KCNIP1: variants seen among roughly 807,000 people sequenced by gnomAD.
The protein encoded by KCNIP1 is potassium voltage-gated channel interacting protein 1.
In KCNIP1, 18 loss-of-function variants were observed where a neutral mutation model predicts 33.0. The observed-to-expected ratio is 0.55, with a 90% confidence interval of 0.38 to 0.81. The LOEUF is 0.81. Among genes scored for constraint, KCNIP1 ranks in the 30% least tolerant of loss-of-function variants. KCNIP1 has a pLI of 0.00. For missense variants in KCNIP1, 238 were observed against 271.6 expected, an observed-to-expected ratio of 0.88 and a Z score of 0.87; for synonymous variants, 93 against 98.3, an observed-to-expected ratio of 0.95 and a Z score of 0.32.
chr5:170,688,621 GATGGACTAAGCC>G (rs1333599153), intron 1 of KCNIP1, among the ~76,000 whole-genome samples: 1 of 152,112 alleles, frequency 6.6e-6, no homozygotes, highest in East Asian at 1.9e-4. Context: ...ATTCTCAAAG[GATGGACTAAGCC>G]ATGTCACCCC....
chr5:170,420,031 A>T (rs947063206), intron 1 of KCNIP1, among the ~76,000 whole-genome samples: 3 of 152,228 alleles, frequency 2.0e-5, no homozygotes, highest in African/African-American at 4.8e-5. Flanking sequence ...TCTCTGGCCA[A>T]CGGAAACACA....
chr5:170,357,375 T>G (rs1763376496), intron 1 of KCNIP1, among the ~76,000 whole-genome samples: 2 of 152,246 alleles, frequency 1.3e-5, no homozygotes, highest in Non-Finnish European at 2.9e-5. Flanking sequence ...ATATGACTTC[T>G]GTTATTAGCG....
Position 170,406,811 on chromosome 5 carries a change from C to T in KCNIP1, c.88+52847C>T, listed in dbSNP as rs1464067624. 3.3e-5 allele frequency among the ~76,000 whole-genome samples: 5 copies of T among 152,298 alleles called. No homozygotes were observed. In the South Asian group the frequency reaches 8.3e-4, roughly 25 times the overall value. On this transcript the variant is annotated intron_variant, in intron 1 of 7. Transcript: ENST00000377360. The stretch of plus-strand genomic sequence containing the variant: ...AGAGCTTGGAGAACCCCAGGCCTTC[C>T]GCATTCATGAGGTCCAAGGCCAGGC...
intron 1 of KCNIP1, among the ~76,000 whole-genome samples, chr5:170,550,849 C>A (rs1756601736): frequency 6.6e-6 from 1 of 152,146 alleles, no homozygotes; most frequent in Admixed American, 6.6e-5. Context: ...TCTGCAACTC[C>A]TTCCCTTCAC....
intron 1 of KCNIP1, among the ~76,000 whole-genome samples, chr5:170,585,185 C>T: frequency 6.6e-6 from 1 of 152,080 alleles, no homozygotes; most frequent in African/African-American, 2.4e-5. Flanking sequence ...TGAAAGCTTG[C>T]TCTCTTAACG....
At chr5:170,509,241 G>A (rs938547477) in intron 1 of KCNIP1, among the ~76,000 whole-genome samples, 1 of 152,178 alleles carries the variant, frequency 6.6e-6, no homozygotes, top group Non-Finnish European at 1.5e-5. Flanking sequence ...TGAGAACAGT[G>A]ATTCTACTCC....
intron 1 of KCNIP1, among the ~76,000 whole-genome samples, chr5:170,462,659 T>C (rs1395698107): frequency 1.3e-5 from 2 of 152,184 alleles, no homozygotes; most frequent in Admixed American, 6.5e-5. Context: ...GAAGTCATTA[T>C]ACGAAAAAGA....
At chr5:170,566,117 C>T (rs1357923030) in intron 1 of KCNIP1, among the ~76,000 whole-genome samples, 1 of 151,978 alleles carries the variant, frequency 6.6e-6, no homozygotes, top group Non-Finnish European at 1.5e-5. Flanking sequence ...CAACCTCTGC[C>T]TCCCGGGTTC....
Position 170,353,798 on chromosome 5 carries a change from C to G in KCNIP1, c.-79C>G, listed in dbSNP as rs1763273308. Reference sequence around the variant, plus strand: ...CTCAGGGTTCATTCACCCAGGCAGGCTCCAAGTTCCTGGGGTGCACAAGGT... The same window carrying G: ...CTCAGGGTTCATTCACCCAGGCAGGGTCCAAGTTCCTGGGGTGCACAAGGT... On this transcript the variant is annotated 5_prime_UTR_variant, in exon 1 of 8. Coordinates refer to the KCNIP1 transcript ENST00000377360. The G allele has an allele frequency of 5.4e-5, 72 of 1,332,816 alleles. No homozygotes were observed. The South Asian group carries it at 8.4e-4, about 16-fold the overall frequency. The allele number at this position is 1,332,816 out of a possible 1,614,324, so 82.6% of individuals were successfully genotyped here.
chr5:170,537,805 G>A (rs976516255), intron 1 of KCNIP1, among the ~76,000 whole-genome samples: 3 of 151,658 alleles, frequency 2.0e-5, no homozygotes, highest in Non-Finnish European at 4.4e-5. Flanking sequence ...CTGTCCCAGG[G>A]CACTGCCCTC....
intron 1 of KCNIP1, among the ~76,000 whole-genome samples, chr5:170,514,048 C>T (rs1361867452): frequency 6.6e-6 from 1 of 152,200 alleles, no homozygotes; most frequent in Non-Finnish European, 1.5e-5. Flanking sequence ...GCGAGGCACT[C>T]CACCACCTGG....
intron 1 of KCNIP1, among the ~76,000 whole-genome samples, chr5:170,536,252 G>A (rs568645755): frequency 1.6e-4 from 24 of 152,316 alleles, no homozygotes; most frequent in African/African-American, 5.8e-4. Context: ...CCTTGCATTA[G>A]CCTGTGGCAG....
chr5:170,411,085 G>A (rs1004045284), intron 1 of KCNIP1, among the ~76,000 whole-genome samples: 1 of 152,234 alleles, frequency 6.6e-6, no homozygotes, highest in Non-Finnish European at 1.5e-5. Context: ...GAGGGAAACA[G>A]AGCCAGCTCT....
intron 1 of KCNIP1, among the ~76,000 whole-genome samples, chr5:170,547,559 G>T (rs1306516722): frequency 6.6e-6 from 1 of 152,026 alleles, no homozygotes; most frequent in East Asian, 1.9e-4. Flanking sequence ...AGTATGCATT[G>T]TTCCCATCTA....
In KCNIP1 at chr5:170,489,034, C is replaced by T. The variant is rs2113195071; in HGVS notation, c.88+135070C>T. Among the ~76,000 whole-genome samples, 1 of 152,266 alleles carries T rather than the reference C, an allele frequency of 6.6e-6. No individual in the cohort carries two copies. Among genetic ancestry groups the T allele is most frequent in the South Asian group, 2.1e-4 (1 of 4,818 alleles). ...AGTACTGACCCCGAGCCCACTCGGG[C>T]TCTGAGCAGAAGGAAGATTTCATTA... On this transcript the variant is annotated intron_variant, in intron 1 of 7. Coordinates refer to the KCNIP1 transcript ENST00000377360. The surrounding 1 kb of genome is among the most constrained non-coding windows in gnomAD (Gnocchi z 4.3).
At chr5:170,693,422 G>A (rs182189102) in intron 1 of KCNIP1, among the ~76,000 whole-genome samples, 2 of 152,280 alleles carry the variant, frequency 1.3e-5, no homozygotes, top group East Asian at 3.9e-4. Flanking sequence ...GCCATGCTCT[G>A]GGTACCCATC....
chr5:170,369,100 A>C (rs895242578), intron 1 of KCNIP1, among the ~76,000 whole-genome samples: 3 of 152,242 alleles, frequency 2.0e-5, no homozygotes, highest in Non-Finnish European at 2.9e-5. Context: ...GAAATAAAGG[A>C]GCAGTGTAGT....
chr5:170,598,889 C>CTGTGTGTGTGCGCGCG (rs1193319687), intron 1 of KCNIP1, among the ~76,000 whole-genome samples: 1 of 141,732 alleles, frequency 7.1e-6, no homozygotes, highest in African/African-American at 2.7e-5. Flanking sequence ...CATAGCCCCG[C>CTGTGTGTGTGCGCGCG]TGTGTGTGTG....
At chr5:170,702,144 T>G (rs1763119956) in intron 1 of KCNIP1, among the ~76,000 whole-genome samples, 1 of 152,200 alleles carries the variant, frequency 6.6e-6, no homozygotes, top group Non-Finnish European at 1.5e-5. Context: ...CACAGCTCCA[T>G]CCCCACCTTT....
Sources: allele counts gnomAD v4.1 joint callset (sites outside exome capture counted in the v4.1 genomes callset), GRCh38; gene constraint gnomAD v4.1.1; non-coding constraint Gnocchi (gnomAD v3.1); transcripts MANE v1.5; gene names NCBI Gene and HGNC (gene_info 2026-07-23, HGNC 2026-07-21).